Variants in TTC23L observed in about 807,000 individuals in gnomAD.
TTC23L encodes the protein tetratricopeptide repeat domain 23 like.
A neutral mutation model predicts 48.1 loss-of-function variants in TTC23L; 42 were observed. The observed-to-expected ratio is 0.87, with a 90% confidence interval of 0.68 to 1.13. TTC23L has a LOEUF of 1.13. Among genes scored for constraint, TTC23L ranks in the 50% most tolerant of loss-of-function variants. The probability of loss-of-function intolerance (pLI) is 0.00; values close to 1 mark genes in which losing one functional copy is unlikely to be tolerated. For missense variants in TTC23L, 391 were observed against 421.0 expected (o/e 0.93, Z 0.62); for synonymous variants, 159 against 157.2 (o/e 1.01, Z -0.09).
At chr5:34,904,548 C>G in the TTC23L span, among the ~76,000 whole-genome samples, 1 of 150,710 alleles carries the variant, frequency 6.6e-6, no homozygotes, top group African/African-American at 2.4e-5. Context: ...GAACTGAGAT[C>G]GCACCACTGC....
the TTC23L span, chr5:34,913,611 TA>T: frequency 3.0e-6 from 4 of 1,329,062 alleles, no homozygotes; most frequent in Non-Finnish European, 3.2e-6. Flanking sequence ...AATTGTTACA[TA>T]AAAGAATAAA....
intron 9 of TTC23L, chr5:34,880,556 G>A: frequency 2.1e-6 from 1 of 477,400 alleles, no homozygotes; most frequent in East Asian, 4.5e-5. Flanking sequence ...TGCAGAGTAG[G>A]CTCAAAGTAT....
At chr5:34,892,302 G>A (rs531258128) in intron 9 of TTC23L, among the ~76,000 whole-genome samples, 47 of 152,292 alleles carry the variant, frequency 3.1e-4, no homozygotes, top group Non-Finnish European at 5.1e-4. Flanking sequence ...CTGCAAAAAA[G>A]CTAAAGTAGA....
intron 7 of TTC23L, 40 bp from the exon 8 acceptor site, chr5:34,868,865 T>C: frequency 6.5e-7 from 1 of 1,538,846 alleles, no homozygotes; most frequent in Non-Finnish European, 8.8e-7. Context: ...GTGAACACTG[T>C]CATTGGGTGC....
the TTC23L span, chr5:34,914,921 T>C: frequency 5.6e-6 from 9 of 1,612,018 alleles, no homozygotes; most frequent in Admixed American, 1.7e-5. Flanking sequence ...CCCCGAGGGA[T>C]GCTCCTGGGG....
At chr5:34,877,499 C>T (rs1284851932) in intron 8 of TTC23L, among the ~76,000 whole-genome samples, 1 of 151,850 alleles carries the variant, frequency 6.6e-6, no homozygotes, top group Non-Finnish European at 1.5e-5. Context: ...TCTCAGCTCA[C>T]TGCAATCTCT....
rs117341946 is a variant in TTC23L, at chr5:34,875,700, A to G, written c.950-4481A>G. On this transcript the variant is annotated intron_variant, in intron 8 of 10. Coordinates refer to ENST00000505624, the Ensembl canonical transcript of TTC23L. The stretch of plus-strand genomic sequence containing the variant: ...CCAGTCAAGACACTCAGTATTAATC[A>G]TCACACCCGTGTATCAGAAATGGAC... Among the ~76,000 whole-genome samples the G allele has an allele frequency of 4.1e-3, 631 of 152,326 alleles. 18 individuals are homozygous for G. In the East Asian group the frequency reaches 0.075, roughly 18 times the overall value.
At chr5:34,897,752 G>C (rs1763322678) in intron 10 of TTC23L, among the ~76,000 whole-genome samples, 2 of 152,164 alleles carry the variant, frequency 1.3e-5, no homozygotes, top group Non-Finnish European at 2.9e-5. Context: ...ACTAAGGTTT[G>C]GTTTTGTTGA....
downstream of TTC23L, among the ~76,000 whole-genome samples, chr5:34,899,955 G>A (rs150223139): frequency 6.6e-6 from 1 of 152,136 alleles, no homozygotes; most frequent in East Asian, 1.9e-4. Context: ...TTGGGGGAAA[G>A]AAATCTTTTA....
intron 9 of TTC23L, among the ~76,000 whole-genome samples, chr5:34,896,455 C>A (rs994154773): frequency 3.3e-5 from 5 of 152,112 alleles, no homozygotes; most frequent in African/African-American, 1.2e-4. Flanking sequence ...GTGTGAATCC[C>A]AAAAACCATG....
intron 4 of TTC23L, among the ~76,000 whole-genome samples, chr5:34,859,245 G>C (rs1170155716): frequency 6.6e-6 from 1 of 152,160 alleles, no homozygotes; most frequent in African/African-American, 2.4e-5. Flanking sequence ...CCACCTACTT[G>C]TGGAAAATGA....
chr5:34,902,358 G>C (rs1269451987), downstream of TTC23L: 1 of 319,858 alleles, frequency 3.1e-6, no homozygotes, highest in Admixed American at 3.2e-5. Flanking sequence ...GGAGGTTGCA[G>C]TGAGCCAAGA....
intron 8 of TTC23L, among the ~76,000 whole-genome samples, chr5:34,877,940 A>G (rs190792719): frequency 6.6e-6 from 1 of 152,240 alleles, no homozygotes; most frequent in South Asian, 2.1e-4. Context: ...ATTTGAAAGA[A>G]TCAACAAAAA....
chr5:34,860,019 A>G (rs937451513), intron 4 of TTC23L, among the ~76,000 whole-genome samples: 4 of 147,546 alleles, frequency 2.7e-5, no homozygotes, highest in East Asian at 4.0e-4. Flanking sequence ...AATTTTTTGT[A>G]TTTTTTTTTA....
chr5:34,915,011 G>A, the TTC23L span: 12 of 1,088,984 alleles, frequency 1.1e-5, no homozygotes, highest in Non-Finnish European at 1.6e-5. Context: ...GAGGTCCGGC[G>A]AGCTCCACCT....
At chr5:34,839,974 C>T (rs2150331769) in intron 1 of TTC23L, among the ~76,000 whole-genome samples, 1 of 152,372 alleles carries the variant, frequency 6.6e-6, no homozygotes, top group East Asian at 1.9e-4. Flanking sequence ...GTGGCGCGAT[C>T]TCCGCCTCCC....
intron 4 of TTC23L, among the ~76,000 whole-genome samples, chr5:34,860,589 T>A (rs1760535984): frequency 6.6e-6 from 1 of 152,114 alleles, no homozygotes; most frequent in South Asian, 2.1e-4. Context: ...GTGCTTATAA[T>A]GCACAGTGCA....
chr5:34,873,772 T>C (rs1443769954), intron 8 of TTC23L, among the ~76,000 whole-genome samples: 4 of 152,046 alleles, frequency 2.6e-5, no homozygotes, highest in East Asian at 1.9e-4. Context: ...GAAAGCCTAA[T>C]AAAGAGTAAC....
the TTC23L span, among the ~76,000 whole-genome samples, chr5:34,904,726 C>T: frequency 6.6e-6 from 1 of 152,048 alleles, no homozygotes; most frequent in African/African-American, 2.4e-5. Context: ...AGAAATAGTA[C>T]TGTCCTAACG....
Sources: gnomAD v4.1 joint callset for allele counts (sites outside exome capture counted in the v4.1 genomes callset) on GRCh38, gnomAD v4.1.1 for gene constraint, MANE v1.5 for transcripts, NCBI Gene and HGNC (gene_info 2026-07-23, HGNC 2026-07-21) for gene names.